SH3KBP1: variants seen among roughly 807,000 people sequenced by gnomAD.
SH3KBP1 encodes the protein SH3 domain-containing kinase-binding protein 1.
Under a neutral mutation model 50.1 loss-of-function variants are expected in SH3KBP1, and 8 were observed. The observed-to-expected ratio is 0.16, with a 90% CI of 0.09 to 0.29. SH3KBP1 has a LOEUF of 0.29. Among genes scored for constraint, SH3KBP1 ranks in the 10% least tolerant of loss-of-function variants. SH3KBP1 has a pLI of 1.00. For synonymous variants in SH3KBP1, 227 were observed against 218.6 expected (o/e 1.04, Z -0.34); for missense variants, 377 against 535.2 (o/e 0.70, Z 2.92).
chrX:19,665,886 A>C (rs1002065039), intron 6 of SH3KBP1, among the ~76,000 whole-genome samples: 1 of 112,163 alleles, frequency 8.9e-6, no homozygotes, highest in African/African-American at 3.2e-5. Flanking sequence ...ACTAGTGAGA[A>C]TATCAGAGAG....
chrX:19,638,111 A>T (rs1401561560), intron 7 of SH3KBP1, among the ~76,000 whole-genome samples: 2 of 100,762 alleles, frequency 2.0e-5, no homozygotes, highest in East Asian at 6.8e-4. Context: ...ACAAACAAAC[A>T]AACAAAAAAA....
chrX:19,569,087 C>T lies in SH3KBP1; in HGVS notation c.1384+16G>A. The T allele has an allele frequency of 2.5e-6, 3 of 1,192,790 alleles. No individual in the cohort carries two copies. The highest frequency in any genetic ancestry group is 3.5e-5 in the South Asian group (2 of 56,573). Reference sequence around the variant, plus strand: ...CTAACTCTGCAAAGAGAAGCGAGAACACTGTCCTTACTCACCAATGTCATT... The same window carrying T: ...CTAACTCTGCAAAGAGAAGCGAGAATACTGTCCTTACTCACCAATGTCATT... On this transcript the variant is annotated intron_variant, in intron 13 of 17. Transcript: ENST00000397821.
chrX:19,750,425 T>C (rs1029318236), intron 2 of SH3KBP1, among the ~76,000 whole-genome samples: 3 of 112,008 alleles, frequency 2.7e-5, no homozygotes, highest in Non-Finnish European at 5.6e-5. Flanking sequence ...CCCCTCCCAG[T>C]TTAGCCTCTG....
In SH3KBP1 at chrX:19,654,594, A is replaced by G. The variant is rs913474529; in HGVS notation, c.727-9119T>C. ...GAGCCAGAGTAAATTTCCATTTCAT[A>G]TACCACATTGGCAAAACATAATTTG... On this transcript the variant is annotated intron_variant, in intron 6 of 17. Transcript: ENST00000397821. 3.6e-5 allele frequency among the ~76,000 whole-genome samples: 4 copies of G among 112,359 alleles called. No individual in the cohort carries two copies. The Admixed American group carries it at 3.8e-4, about 11-fold the overall frequency.
chrX:19,599,574 C>T (rs2067015014), intron 9 of SH3KBP1, among the ~76,000 whole-genome samples: 1 of 112,239 alleles, frequency 8.9e-6, no homozygotes, highest in Admixed American at 9.4e-5. Context: ...GCATCTACCA[C>T]TCTTGATCAA....
chrX:19,758,522 C>T (rs72616088), intron 2 of SH3KBP1, among the ~76,000 whole-genome samples: 18,457 of 109,658 alleles, frequency 0.17, 1,247 homozygotes, highest in African/African-American at 0.19. Flanking sequence ...GCTAATTATG[C>T]TCCAAAAGGT....
chrX:19,556,302 T>C (rs1270529134), intron 13 of SH3KBP1, among the ~76,000 whole-genome samples: 6 of 109,801 alleles, frequency 5.5e-5, no homozygotes, highest in Non-Finnish European at 7.6e-5. Context: ...TTTTTTTTTT[T>C]TCCAAGGTCT....
At chrX:19,803,577 A>C (rs1197395058) in intron 2 of SH3KBP1, among the ~76,000 whole-genome samples, 1 of 111,442 alleles carries the variant, frequency 9.0e-6, no homozygotes, top group African/African-American at 3.3e-5. Flanking sequence ...ACTGGGAAAC[A>C]CTTGGTTTTA....
chrX:19,872,049 C>T (rs764820744), intron 1 of SH3KBP1, among the ~76,000 whole-genome samples: 1 of 107,933 alleles, frequency 9.3e-6, no homozygotes, highest in Admixed American at 1.0e-4. Context: ...GTCAGGAGTT[C>T]GAGACCATCC....
chrX:19,738,718 A>C (rs1179020138), intron 3 of SH3KBP1, among the ~76,000 whole-genome samples: 1 of 102,238 alleles, frequency 9.8e-6, no homozygotes, highest in Non-Finnish European at 2.0e-5. Flanking sequence ...AAAAAAAAAG[A>C]AGTCAGACTT....
chrX:19,817,919 G>A (rs190119520), intron 2 of SH3KBP1, among the ~76,000 whole-genome samples: 1 of 112,263 alleles, frequency 8.9e-6, no homozygotes, highest in East Asian at 2.8e-4. Context: ...ACAGGTGTGA[G>A]CCACAGTGCC....
At chrX:19,766,792 G>A (rs188784330) in intron 2 of SH3KBP1, among the ~76,000 whole-genome samples, 2 of 110,731 alleles carry the variant, frequency 1.8e-5, no homozygotes, top group East Asian at 2.8e-4. Flanking sequence ...CGCCTGGTCC[G>A]ATTGTATCTT....
intron 2 of SH3KBP1, among the ~76,000 whole-genome samples, chrX:19,773,862 A>G (rs1214904736): frequency 1.1e-5 from 1 of 94,191 alleles, no homozygotes; most frequent in Non-Finnish European, 2.2e-5. Flanking sequence ...GCTCGAAAAA[A>G]AAAAAAAAAA....
chrX:19,587,009 G>A (rs759566103), intron 12 of SH3KBP1, among the ~76,000 whole-genome samples: 60 of 110,706 alleles, frequency 5.4e-4, no homozygotes, highest in African/African-American at 1.9e-3. Flanking sequence ...AATCACCCGA[G>A]GTCGGGAGTT....
intron 1 of SH3KBP1, among the ~76,000 whole-genome samples, chrX:19,878,372 C>T (rs1193091541): frequency 3.9e-5 from 4 of 101,679 alleles, no homozygotes; most frequent in Admixed American, 1.1e-4. Flanking sequence ...GGTGCGATGT[C>T]GGCTCACTGT....
chrX:19,543,155 T>C (rs2064982213), intron 15 of SH3KBP1, among the ~76,000 whole-genome samples: 1 of 110,320 alleles, frequency 9.1e-6, no homozygotes, highest in East Asian at 2.9e-4. Flanking sequence ...GCCAGGAGGA[T>C]GGAGACCCTG....
chrX:19,797,693 G>A (rs1163674128), intron 2 of SH3KBP1, among the ~76,000 whole-genome samples: 3 of 111,207 alleles, frequency 2.7e-5, no homozygotes, highest in Non-Finnish European at 3.8e-5. Flanking sequence ...ACTGATACAC[G>A]ATTATTGAGG....
At chrX:19,614,535 G>A (rs1011926180) in intron 8 of SH3KBP1, among the ~76,000 whole-genome samples, 3 of 111,969 alleles carry the variant, frequency 2.7e-5, no homozygotes, top group African/African-American at 9.8e-5. Context: ...AAATGCCGAT[G>A]TCTGGGCCAG....
chrX:19,540,991 T>C (rs992771441), intron 16 of SH3KBP1, among the ~76,000 whole-genome samples: 3 of 110,679 alleles, frequency 2.7e-5, no homozygotes, highest in Non-Finnish European at 5.7e-5. Context: ...CTTGGCTCAC[T>C]GCAACCTCCT....
Sources: allele counts gnomAD v4.1 joint callset (sites outside exome capture counted in the v4.1 genomes callset), GRCh38; gene constraint gnomAD v4.1.1; transcripts MANE v1.5; gene names NCBI Gene and HGNC (gene_info 2026-07-23, HGNC 2026-07-21).